The following LRP3 variants were observed in gnomAD, a reference collection of about 807,000 sequenced individuals.
The protein encoded by LRP3 is LDL receptor related protein 3.
Under a neutral mutation model 58.5 loss-of-function variants are expected in LRP3, and 49 were observed. The ratio of observed to expected loss-of-function variants is 0.84; its 90% CI spans 0.67 to 1.06. LRP3 has a LOEUF of 1.06. Among genes scored for constraint, LRP3 ranks in the 50% least tolerant of loss-of-function variants. The pLI is 0.00. For missense variants in LRP3, 1,019 were observed against 1,134.2 expected, an observed-to-expected ratio of 0.90 and a Z score of 1.46; for synonymous variants, 485 against 492.2, an observed-to-expected ratio of 0.99 and a Z score of 0.20.
rs745454473 is a variant in LRP3, at chr19:33,196,747, G to A, written c.91G>A (p.Gly31Arg). 24 of 1,613,968 alleles carry A rather than the reference G, an allele frequency of 1.5e-5. No homozygotes were observed. The highest frequency in any genetic ancestry group is 2.2e-5 in the East Asian group (1 of 44,886). ...TCCCACAGTGAACATCTTTCTCACC[G>A]GGAGACTCAGCAGTGCGGTTCCTGC... Reference protein sequence around the residue: ...VVCLVNIFLTGRLSSAVPALA... With the variant: ...VVCLVNIFLTRRLSSAVPALA... Residue 31 changes from glycine to arginine, a missense_variant, in exon 2 of 7, where the codon GGG becomes AGG. By Grantham distance (125) the Gly-to-Arg change is moderately radical (BLOSUM62 -2). Coordinates refer to ENST00000253193, the MANE Select transcript of LRP3 (RefSeq NM_002333.4).
At position 33,206,033 on chromosome 19, in the gene LRP3, C is replaced by T. The variant is rs752157283; in HGVS notation, c.1263C>T (p.Tyr421=). The change falls in exon 5 of 7, where the codon TAC becomes TAT. Residue 421 remains tyrosine, a synonymous_variant. Coordinates refer to ENST00000253193, the MANE Select transcript of LRP3 (RefSeq NM_002333.4). ...QGCPACPPDQ[Y]PCEGGSGLCY... is the part of the protein sequence containing the mutation. ...GCCCTGCCTGCCCGCCCGACCAGTA[C>T]CCCTGCGAGGGTGGCAGTGGTCTGT... The T allele has an allele frequency of 1.3e-6, 2 of 1,592,742 alleles. No homozygotes were observed. Among genetic ancestry groups the T allele is most frequent in the Non-Finnish European group, 1.7e-6 (2 of 1,170,624 alleles).
chr19:33,195,882 G>A (rs1229626967), intron 1 of LRP3, among the ~76,000 whole-genome samples: 1 of 152,206 alleles, frequency 6.6e-6, no homozygotes, highest in African/African-American at 2.4e-5. Flanking sequence ...ATGCTTAGGA[G>A]CTTTGGCCTG....
chr19:33,207,045 T>C lies in LRP3; in HGVS notation c.1783T>C (p.Ser595Pro), dbSNP rs1029972693. Residue 595 changes from serine to proline, a missense_variant, in exon 7 of 7, where the codon TCC becomes CCC. Ser to Pro is a moderately conservative substitution (Grantham distance 74). Coordinates refer to ENST00000253193, the MANE Select transcript of LRP3 (RefSeq NM_002333.4). The part of the protein sequence containing the change: ...AMRRQMRRHA[S>P]RRGPSRRRLG... ...GCGGAGACAGATGCGTCGGCACGCCTCCCGCCGGGGGCCCTCCCGCCGCCG... is the reference window on the plus strand; with the variant it reads ...GCGGAGACAGATGCGTCGGCACGCCCCCCGCCGGGGGCCCTCCCGCCGCCG... 4.1e-6 allele frequency: 6 copies of C among 1,480,202 alleles called. No individual in the cohort carries two copies. The African/African-American group carries it at 7.2e-5, about 18-fold the overall frequency. The allele number at this position is 1,480,202 out of a possible 1,614,324, so 91.7% of individuals were successfully genotyped here.
rs1215481635 is a variant in LRP3, at chr19:33,205,989, G to A, written c.1219G>A (p.Gly407Ser). ...TGATGGCTGGTGGCATTGTGCCAGC[G>A]GCCGAGACGAGCAGGGCTGCCCTGC... ...RCDGWWHCAS[G>S]RDEQGCPACP... Residue 407 changes from glycine (G) to serine (S), a missense_variant, in exon 5 of 7, where the codon GGC becomes AGC. Transcript: ENST00000253193. 1.5e-5 allele frequency: 24 copies of A among 1,575,018 alleles called. No individual in the cohort carries two copies. Among genetic ancestry groups the A allele is most frequent in the Non-Finnish European group, 2.0e-5 (23 of 1,160,460 alleles).
Position 33,207,274 on chromosome 19 carries a change from C to A in LRP3, c.2012C>A (p.Pro671His). The change falls in exon 7 of 7, where the codon CCC (proline) becomes CAC (histidine). Residue 671 changes from proline to histidine, a missense_variant. Physicochemically the swap from Pro to His is moderately conservative, Grantham distance 77 (BLOSUM62 -2). Coordinates refer to ENST00000253193, the MANE Select transcript of LRP3 (RefSeq NM_002333.4). Reference protein sequence around the residue: ...RAAGDRPPSAPGRAPEVGPSG... With the variant: ...RAAGDRPPSAHGRAPEVGPSG... The stretch of plus-strand genomic sequence containing the variant: ...GCCGGAGACAGGCCCCCCAGTGCCC[C>A]CGGCCGTGCACCGGAGGTGGGACCT... 1 of 1,555,174 alleles carries A rather than the reference C, an allele frequency of 6.4e-7. No individual in the cohort carries two copies. Among genetic ancestry groups the A allele is most frequent in the Non-Finnish European group, 8.6e-7 (1 of 1,158,098 alleles).
chr19:33,197,695 G>A (rs975955261), intron 2 of LRP3, among the ~76,000 whole-genome samples: 1 of 152,176 alleles, frequency 6.6e-6, no homozygotes, highest in Non-Finnish European at 1.5e-5. Context: ...TGACTTGTTC[G>A]TTGCCTGCTG....
At position 33,194,862 on chromosome 19, in the gene LRP3, A is replaced by G; in HGVS notation, c.73+4A>G. On this transcript the variant is annotated splice_donor_region_variant and intron_variant, in intron 1 of 6. Transcript: ENST00000253193. ...CAGCTGGCCGTCGTCTGTCTGGGTG[A>G]GTGGGCCGCGCGGGCCGGGCAGGTC... is the stretch of plus-strand genomic sequence containing the variant. The G allele has an allele frequency of 9.4e-7, 1 of 1,059,720 alleles. No individual in the cohort carries two copies. The highest frequency in any genetic ancestry group is 1.1e-6 in the Non-Finnish European group (1 of 879,682). 65.6% of individuals were successfully genotyped at this position (1,059,720 alleles called of 1,614,324 possible).
chr19:33,204,674 C>G lies in LRP3; in HGVS notation c.297C>G (p.Cys99Trp), dbSNP rs139965590. ...TTGACGTGGAGGAGTCCCACCAGTG[C>G]TCCCTGGACTGGCTCCTGCTGGGCC... ...RNFDVEESHQ[C>W]SLDWLLLGPA... Residue 99 changes from cysteine to tryptophan, a missense_variant, in exon 4 of 7, where the codon TGC (cysteine) becomes TGG (tryptophan). Physicochemically the swap from Cys to Trp is radical, Grantham distance 215. Coordinates refer to ENST00000253193, the MANE Select transcript of LRP3 (RefSeq NM_002333.4). 1 of 1,608,342 alleles carries G rather than the reference C, an allele frequency of 6.2e-7. No homozygotes were observed. The highest frequency in any genetic ancestry group is 1.3e-5 in the African/African-American group (1 of 74,928).
Position 33,207,368 on chromosome 19 carries a change from C to T in LRP3, c.2106C>T (p.Val702=), listed in dbSNP as rs1235846066. ...GGCCCGTGGACAAGGACAGAAAGGT[C>T]TGCAGGGAGCCACTGGTAGACGGCC... is the stretch of plus-strand genomic sequence containing the variant. The part of the protein sequence containing the change: ...ECRPVDKDRK[V]CREPLVDGPA... The change falls in exon 7 of 7, where the codon GTC becomes GTT. Residue 702 remains valine (V), a synonymous_variant. Transcript: ENST00000253193. 1 of 1,586,680 alleles carries T rather than the reference C, an allele frequency of 6.3e-7. No homozygotes were observed.
At chr19:33,206,890 G>A in intron 6 of LRP3, 98 bp from the exon 7 acceptor site, 2 of 1,210,716 alleles carry the variant, frequency 1.7e-6, no homozygotes. Context: ...GGTCTCTCGG[G>A]TCTCAGGTCC....
rs1398995853 is a variant in LRP3, at chr19:33,206,226, G to A, written c.1456G>A (p.Glu486Lys). 1.9e-6 allele frequency: 3 copies of A among 1,597,134 alleles called. No homozygotes were observed. Among genetic ancestry groups the A allele is most frequent in the Middle Eastern group, 1.7e-4 (1 of 6,046 alleles). The change falls in exon 5 of 7, where the codon GAG (glutamate) becomes AAG (lysine). Residue 486 changes from glutamate (E) to lysine (K), a missense_variant. Glu to Lys is a moderately conservative substitution (Grantham distance 56, BLOSUM62 1). Transcript: ENST00000253193. ...GGAAGACTGCCAGGACGGCAGCGAT[G>A]AGCATGGGTGCCTGGCCGCCGTGCC... ...GQEDCQDGSD[E>K]HGCLAAVPRK...
intron 2 of LRP3, among the ~76,000 whole-genome samples, chr19:33,201,452 A>AG (rs1169658838): frequency 2.0e-4 from 30 of 152,006 alleles, no homozygotes; most frequent in African/African-American, 7.0e-4. Flanking sequence ...AGTGTGGGGC[A>AG]GGGAGGGGGC....
chr19:33,195,378 T>C (rs1974275319), intron 1 of LRP3, among the ~76,000 whole-genome samples: 1 of 152,048 alleles, frequency 6.6e-6, no homozygotes, highest in Non-Finnish European at 1.5e-5. Flanking sequence ...GGCAGGCCTG[T>C]TCAGTTTAGG....
intron 3 of LRP3, 99 bp from the exon 4 acceptor site, chr19:33,204,539 G>A (rs1357176454): frequency 3.5e-6 from 3 of 856,432 alleles, no homozygotes; most frequent in Non-Finnish European, 5.7e-6. Flanking sequence ...AGGGCTGGCT[G>A]TCCTGGCCGT....
Position 33,206,630 on chromosome 19 carries a change from A to C in LRP3, c.1622A>C (p.Glu541Ala). ...TTCGAGACCCAGATGACGCGCCTGG[A>C]GGCTGAGTTCGTGCGGCGGGAGGCA... Reference protein sequence around the residue: ...RAFETQMTRLEAEFVRREAPP... With the variant: ...RAFETQMTRLAAEFVRREAPP... Residue 541 changes from glutamate to alanine, a missense_variant, in exon 6 of 7, where the codon GAG becomes GCG. Transcript: ENST00000253193. The C allele has an allele frequency of 3.1e-6, 5 of 1,606,562 alleles. No individual in the cohort carries two copies. The highest frequency in any genetic ancestry group is 4.3e-6 in the Non-Finnish European group (5 of 1,176,148).
At position 33,202,884 on chromosome 19, in the gene LRP3, G is replaced by A. The variant is rs568373107; in HGVS notation, c.158G>A (p.Arg53Gln). ...CSGKLEQHTERRGVIYSPAWP... is the reference protein window; with the variant it reads ...CSGKLEQHTEQRGVIYSPAWP... ...GGGAAGCTGGAGCAGCACACGGAGC[G>A]GCGTGGGGTCATCTACAGCCCGGCC... The change falls in exon 3 of 7, where the codon CGG becomes CAG. Residue 53 changes from arginine (R) to glutamine (Q), a missense_variant. Physicochemically the swap from Arg to Gln is conservative, Grantham distance 43 (BLOSUM62 1). Around this residue, in one of 2 missense-constraint regions of LRP3, gnomAD observed 592 missense variants for 725.5 expected, o/e 0.82. Coordinates refer to ENST00000253193, the MANE Select transcript of LRP3 (RefSeq NM_002333.4). 4.2e-5 allele frequency: 68 copies of A among 1,611,334 alleles called. No individual in the cohort carries two copies. Among genetic ancestry groups the A allele is most frequent in the Non-Finnish European group, 5.3e-5 (63 of 1,178,960 alleles).
chr19:33,208,786 TTTC>T lies in LRP3; in HGVS notation c.*1214_*1216del, dbSNP rs1974463978. 2.0e-6 allele frequency: 3 copies of T among 1,509,572 alleles called. No homozygotes were observed. Among genetic ancestry groups the T allele is most frequent in the African/African-American group, 1.4e-5 (1 of 72,722 alleles). The allele number at this position is 1,509,572 out of a possible 1,614,324, so 93.5% of individuals were successfully genotyped here. The stretch of plus-strand genomic sequence containing the variant: ...ACAGGCTTCTGAGAGTCGTATCTTT[TTTC>T]TTTTTTTTCCAGAAAAAAACAAAAC... On this transcript the variant is annotated 3_prime_UTR_variant, in exon 7 of 7. Transcript: ENST00000253193. This position sits in a 1 kb window ranked among gnomAD's most constrained non-coding sequence, Gnocchi z 4.7.
At chr19:33,199,427 C>G (rs571874658) in intron 2 of LRP3, among the ~76,000 whole-genome samples, 25 of 150,576 alleles carry the variant, frequency 1.7e-4, no homozygotes, top group African/African-American at 5.9e-4. Flanking sequence ...GAGCTGTGAT[C>G]GCACCACTGC....
In LRP3 at chr19:33,207,123, C is replaced by T. The variant is rs1188844925; in HGVS notation, c.1861C>T (p.Gln621Ter). ...LFHRPRAPRG[Q>*]IPLLTAARPS... is the part of the protein sequence containing the mutation. ...TCACCGGCCGCGGGCGCCCCGAGGC[C>T]AGATCCCACTGCTGACCGCAGCACG... The change falls in exon 7 of 7, where the codon CAG (glutamine) becomes TAG (stop). Residue 621 changes from glutamine to a stop codon, truncating the protein, a stop_gained. Coordinates refer to ENST00000253193, the MANE Select transcript of LRP3 (RefSeq NM_002333.4). LOFTEE classifies it low-confidence loss of function (END_TRUNC). The T allele has an allele frequency of 6.5e-7, 1 of 1,530,746 alleles. No homozygotes were observed. Among genetic ancestry groups the T allele is most frequent in the Admixed American group, 2.1e-5 (1 of 48,556 alleles). The allele number at this position is 1,530,746 out of a possible 1,614,324, so 94.8% of individuals were successfully genotyped here. A position where few individuals can be genotyped will look rare whatever the true frequency, so the allele number is the denominator to read the frequency against.
Sources: allele counts gnomAD v4.1 joint callset (sites outside exome capture counted in the v4.1 genomes callset), GRCh38; gene constraint gnomAD v4.1.1; regional missense constraint gnomAD v4.1.1; non-coding constraint Gnocchi (gnomAD v3.1); transcripts MANE v1.5; gene names NCBI Gene and HGNC (gene_info 2026-07-23, HGNC 2026-07-21).